RIN3: variants seen among roughly 807,000 people sequenced by gnomAD.
The protein encoded by RIN3 is RAB5 interacting protein 3.
In RIN3, 54 loss-of-function variants were observed where a neutral mutation model predicts 76.3. That is an observed-to-expected ratio of 0.71 (90% CI 0.57 to 0.89). RIN3 has a LOEUF of 0.89. Among genes scored for constraint, RIN3 ranks in the 40% least tolerant of loss-of-function variants. The pLI is 0.00. For synonymous variants in RIN3, 576 were observed against 564.0 expected (o/e 1.02, Z -0.30); for missense variants, 1,256 against 1,322.1 (o/e 0.95, Z 0.78).
At chr14:92,535,543 G>A (rs1057019473) in intron 1 of RIN3, among the ~76,000 whole-genome samples, 11 of 151,750 alleles carry the variant, frequency 7.2e-5, no homozygotes, top group African/African-American at 1.9e-4. Flanking sequence ...GTGCGTGCAC[G>A]CACGTGCATA....
intron 8 of RIN3, among the ~76,000 whole-genome samples, chr14:92,678,071 A>G (rs998588027): frequency 7.1e-6 from 1 of 140,022 alleles, no homozygotes; most frequent in African/African-American, 2.7e-5. Context: ...TCCATCCATT[A>G]ACCCATCCAC....
intron 4 of RIN3, among the ~76,000 whole-genome samples, chr14:92,620,079 T>C: frequency 6.6e-6 from 1 of 152,252 alleles, no homozygotes; most frequent in Non-Finnish European, 1.5e-5. Flanking sequence ...TCCGACAAAA[T>C]ATTTGACTTA....
chr14:92,632,181 G>A (rs988487501), intron 4 of RIN3, among the ~76,000 whole-genome samples: 1 of 152,150 alleles, frequency 6.6e-6, no homozygotes, highest in Admixed American at 6.5e-5. Context: ...TCCAGCACCA[G>A]GACAATCCCT....
At chr14:92,572,674 T>C (rs1449849808) in intron 2 of RIN3, among the ~76,000 whole-genome samples, 2 of 152,152 alleles carry the variant, frequency 1.3e-5, no homozygotes, top group Non-Finnish European at 2.9e-5. Flanking sequence ...CTTTCGTAAC[T>C]GCTTCCTGCA....
chr14:92,588,212 CTCT>C (rs1884846034), intron 3 of RIN3, among the ~76,000 whole-genome samples: 4 of 118,952 alleles, frequency 3.4e-5, no homozygotes, highest in Non-Finnish European at 6.9e-5. Context: ...AGCCATAGCA[CTCT>C]TTTTTTTTTT....
chr14:92,580,143 G>A (rs1436874800), intron 3 of RIN3, among the ~76,000 whole-genome samples: 5 of 152,232 alleles, frequency 3.3e-5, no homozygotes, highest in Admixed American at 6.5e-5. Flanking sequence ...TCGGGAGGCC[G>A]AGGCAGGCGG....
At chr14:92,665,625 C>G (rs1888065725) in intron 7 of RIN3, among the ~76,000 whole-genome samples, 1 of 152,040 alleles carries the variant, frequency 6.6e-6, no homozygotes, top group African/African-American at 2.4e-5. Flanking sequence ...TCATGATCCA[C>G]CCACCTCGGC....
chr14:92,518,748 G>A (rs942188706), intron 1 of RIN3, among the ~76,000 whole-genome samples: 4 of 151,210 alleles, frequency 2.6e-5, no homozygotes, highest in African/African-American at 4.9e-5. Flanking sequence ...TCCCAAATGC[G>A]GGTCTCTGGA....
intron 1 of RIN3, among the ~76,000 whole-genome samples, chr14:92,547,087 A>T (rs1261348954): frequency 1.1e-5 from 1 of 90,840 alleles, no homozygotes; most frequent in Non-Finnish European, 2.5e-5. Flanking sequence ...ATTATATTAT[A>T]TTATATTATA....
chr14:92,539,234 G>A (rs570065476), intron 1 of RIN3, among the ~76,000 whole-genome samples: 2 of 152,180 alleles, frequency 1.3e-5, no homozygotes, highest in Admixed American at 6.5e-5. Context: ...TTATTATTAC[G>A]TTAAGCCCAG....
At chr14:92,668,254 G>A (rs888192535) in intron 7 of RIN3, among the ~76,000 whole-genome samples, 2 of 152,196 alleles carry the variant, frequency 1.3e-5, no homozygotes, top group African/African-American at 4.8e-5. Flanking sequence ...TGAAACCCAG[G>A]GCCCTCTGGC....
chr14:92,536,772 G>A lies in RIN3; in HGVS notation c.45-18979G>A, dbSNP rs1043522200. Among the ~76,000 whole-genome samples the A allele has an allele frequency of 4.0e-5, 6 of 151,234 alleles. No individual in the cohort carries two copies. In the East Asian group the frequency reaches 7.8e-4, roughly 20 times the overall value. On this transcript the variant is annotated intron_variant, in intron 1 of 9. Transcript: ENST00000216487. ...AAAAAAAAAAAAAAAAGAAACTGCC[G>A]GGGTTCATATCCCAGCTCTGCCAGT...
At chr14:92,679,073 C>T (rs570505034) in intron 8 of RIN3, among the ~76,000 whole-genome samples, 2 of 152,334 alleles carry the variant, frequency 1.3e-5, no homozygotes, top group South Asian at 4.1e-4. Flanking sequence ...CAGAGAAGTT[C>T]TCGAGGCCAG....
intron 1 of RIN3, among the ~76,000 whole-genome samples, chr14:92,523,504 A>G (rs867758775): frequency 6.6e-6 from 1 of 152,236 alleles, no homozygotes; most frequent in East Asian, 1.9e-4. Flanking sequence ...TCTGTCACAT[A>G]GCACCAGATT....
chr14:92,604,813 G>C (rs147534002), intron 3 of RIN3, among the ~76,000 whole-genome samples: 300 of 149,108 alleles, frequency 2.0e-3, no homozygotes, highest in South Asian at 4.3e-3. Flanking sequence ...TCCCCACCAA[G>C]AAAGAATTAC....
At chr14:92,647,513 C>T (rs1887243305) in intron 5 of RIN3, among the ~76,000 whole-genome samples, 1 of 152,194 alleles carries the variant, frequency 6.6e-6, no homozygotes, top group Non-Finnish European at 1.5e-5. Flanking sequence ...TTCTGTGGCT[C>T]TTCCAAGTTT....
Position 92,565,105 on chromosome 14 carries a change from C to G in RIN3, c.249+9150C>G, listed in dbSNP as rs1897883533. 3.3e-5 allele frequency among the ~76,000 whole-genome samples: 5 copies of G among 152,358 alleles called. No homozygotes were observed. In the South Asian group the frequency reaches 6.2e-4, roughly 19 times the overall value. On this transcript the variant is annotated intron_variant, in intron 2 of 9. Coordinates refer to ENST00000216487, the MANE Select transcript of RIN3 (RefSeq NM_024832.5). ...TCCCTGTGTTCCCTCACTGCTCCAC[C>G]TGGCTCATCTGCTCTGCCTGGCTTA...
At chr14:92,680,991 G>A (rs930869855) in intron 8 of RIN3, among the ~76,000 whole-genome samples, 1 of 152,080 alleles carries the variant, frequency 6.6e-6, no homozygotes, top group Admixed American at 6.5e-5. Flanking sequence ...TGAAGTCATG[G>A]GACAGACAGG....
chr14:92,625,400 A>T (rs1409383631), intron 4 of RIN3, among the ~76,000 whole-genome samples: 1 of 152,174 alleles, frequency 6.6e-6, no homozygotes, highest in Non-Finnish European at 1.5e-5. Context: ...TATTTGCGGT[A>T]AAGTGATTCC....
Sources: allele counts gnomAD v4.1 joint callset (sites outside exome capture counted in the v4.1 genomes callset), GRCh38; gene constraint gnomAD v4.1.1; transcripts MANE v1.5; gene names NCBI Gene and HGNC (gene_info 2026-07-23, HGNC 2026-07-21).